The following MMAA variants were observed in gnomAD, a reference collection of about 807,000 sequenced individuals.
MMAA encodes the protein metabolism of cobalamin associated A.
In MMAA, 41 loss-of-function variants were observed where a neutral mutation model predicts 45.0. That is an observed-to-expected ratio of 0.91 (90% CI 0.71 to 1.18). The LOEUF (loss-of-function observed/expected upper bound fraction) is 1.18, where lower values mean the gene tolerates loss of function less well. Among genes scored for constraint, MMAA ranks in the 50% most tolerant of loss-of-function variants. The pLI, the probability that MMAA is intolerant of heterozygous loss-of-function variation, is 0.00. For synonymous variants in MMAA, 154 were observed against 178.2 expected (o/e 0.86, Z 1.08); for missense variants, 460 against 495.7 (o/e 0.93, Z 0.68).
chr4:145,635,978 T>G (rs1727596058), intron 1 of MMAA, among the ~76,000 whole-genome samples: 1 of 152,246 alleles, frequency 6.6e-6, no homozygotes, highest in Non-Finnish European at 1.5e-5. Context: ...TGCCACTGGC[T>G]ATGACTGTGA....
intron 1 of MMAA, among the ~76,000 whole-genome samples, chr4:145,631,861 C>T (rs998929604): frequency 5.9e-5 from 9 of 151,886 alleles, no homozygotes; most frequent in African/African-American, 2.2e-4. Context: ...ATCTTGTCAC[C>T]CATTATTTTA....
chr4:145,642,111 C>A (rs1442504981), intron 2 of MMAA, among the ~76,000 whole-genome samples: 1 of 152,132 alleles, frequency 6.6e-6, no homozygotes, highest in African/African-American at 2.4e-5. Flanking sequence ...AAAGGCAAAG[C>A]ATGTTTTGTA....
chr4:145,628,266 C>CTT (rs1367275313), intron 1 of MMAA, among the ~76,000 whole-genome samples: 15 of 152,146 alleles, frequency 9.9e-5, no homozygotes, highest in African/African-American at 2.7e-4. Flanking sequence ...GTATTAGTTT[C>CTT]CTATAGCTCT....
At chr4:145,624,620 T>A in intron 1 of MMAA, 1 of 1,376,254 alleles carries the variant, frequency 7.3e-7, no homozygotes, top group Non-Finnish European at 1.0e-6. Context: ...GTTCTATTAC[T>A]TCTTTACTAG....
At chr4:145,623,913 G>A (rs1227786575) in intron 1 of MMAA, among the ~76,000 whole-genome samples, 1 of 152,192 alleles carries the variant, frequency 6.6e-6, no homozygotes, top group East Asian at 1.9e-4. Flanking sequence ...TCTGGTGTGG[G>A]GGTGAATTAA....
rs759588632 is a variant in MMAA, at chr4:145,639,338, G to T, written c.199G>T (p.Val67Leu). The part of the protein sequence containing the change: ...LSDGLKRKLC[V>L]QTTLKDHTEG... ...AGATGGCTTAAAGAGAAAATTATGT[G>T]TACAAACAACCTTAAAGGACCACAC... Residue 67 changes from valine to leucine, a missense_variant, in exon 2 of 7, where the codon GTA (valine) becomes TTA (leucine). Physicochemically the swap from Val to Leu is conservative, Grantham distance 32. Coordinates refer to ENST00000649156, the MANE Select transcript of MMAA (RefSeq NM_172250.3). 1 of 1,614,138 alleles carries T rather than the reference G, an allele frequency of 6.2e-7. No homozygotes were observed. The highest frequency in any genetic ancestry group is 8.5e-7 in the Non-Finnish European group (1 of 1,180,036).
intron 4 of MMAA, among the ~76,000 whole-genome samples, chr4:145,648,601 A>T (rs567725634): frequency 3.0e-4 from 45 of 152,272 alleles, no homozygotes; most frequent in Non-Finnish European, 5.3e-4. Context: ...CACCTTAAAA[A>T]CCAAATATAT....
chr4:145,636,506 G>A (rs536028318), intron 1 of MMAA, among the ~76,000 whole-genome samples: 5 of 152,210 alleles, frequency 3.3e-5, no homozygotes, highest in East Asian at 1.9e-4. Context: ...GTTTACCTCC[G>A]GTCCAGCCTC....
intron 5 of MMAA, among the ~76,000 whole-genome samples, chr4:145,651,976 G>GC (rs1728103446): frequency 6.6e-6 from 1 of 152,042 alleles, no homozygotes; most frequent in Admixed American, 6.6e-5. Flanking sequence ...AGTAATGCTC[G>GC]CCCCCCTGCT....
In MMAA at chr4:145,658,735, CATT is replaced by C. The variant is rs1728305085; in HGVS notation, c.*3304_*3306del. ...GAAAAATTAGTGAAAATCATTCAAA[CATT>C]ATGCTCACCAGGTAGACTGCCATCA... is the stretch of plus-strand genomic sequence containing the variant. On this transcript the variant is annotated 3_prime_UTR_variant, in exon 7 of 7. Coordinates refer to ENST00000649156, the MANE Select transcript of MMAA (RefSeq NM_172250.3). The C allele has an allele frequency of 7.0e-6, 1 of 143,048 alleles. No homozygotes were observed. The highest frequency in any genetic ancestry group is 2.6e-5 in the African/African-American group (1 of 38,890). 8.9% of individuals were successfully genotyped at this position (143,048 alleles called of 1,614,324 possible).
At chr4:145,640,845 G>A (rs1038391972) in intron 2 of MMAA, among the ~76,000 whole-genome samples, 3 of 152,098 alleles carry the variant, frequency 2.0e-5, no homozygotes, top group Non-Finnish European at 2.9e-5. Context: ...ATGTCCCACG[G>A]TGGTGAACTA....
chr4:145,628,269 A>G (rs904099497), intron 1 of MMAA, among the ~76,000 whole-genome samples: 13 of 152,242 alleles, frequency 8.5e-5, no homozygotes, highest in African/African-American at 3.1e-4. Context: ...TTAGTTTCCT[A>G]TAGCTCTGGT....
chr4:145,655,638 T>G lies in MMAA; in HGVS notation c.*204T>G. The G allele has an allele frequency of 1.9e-6, 1 of 519,012 alleles. No individual in the cohort carries two copies. The highest frequency in any genetic ancestry group is 2.7e-5 in the South Asian group (1 of 36,392). 32.2% of individuals were successfully genotyped at this position (519,012 alleles called of 1,614,324 possible). ...TTATAAGGTACCTGTTTTATGTTAC[T>G]GATATCTGTTTCCTTCTCTTCTTAT... On this transcript the variant is annotated 3_prime_UTR_variant, in exon 7 of 7. Coordinates refer to ENST00000649156, the MANE Select transcript of MMAA (RefSeq NM_172250.3).
At chr4:145,634,153 A>G (rs1403131271) in intron 1 of MMAA, among the ~76,000 whole-genome samples, 1 of 152,214 alleles carries the variant, frequency 6.6e-6, no homozygotes, top group Non-Finnish European at 1.5e-5. Context: ...GAGGGTGGTA[A>G]GTTCCCCCAG....
At chr4:145,627,582 A>C (rs1035232763) in intron 1 of MMAA, among the ~76,000 whole-genome samples, 2 of 152,192 alleles carry the variant, frequency 1.3e-5, no homozygotes, top group East Asian at 3.8e-4. Context: ...GGAGCGGTCT[A>C]TAAGTAGATA....
chr4:145,633,450 G>A (rs947260658), intron 1 of MMAA, among the ~76,000 whole-genome samples: 3 of 151,870 alleles, frequency 2.0e-5, no homozygotes, highest in Non-Finnish European at 4.4e-5. Flanking sequence ...TGCCCAGCTC[G>A]GCCTCCCAAA....
chr4:145,649,800 A>G (rs1398355048), intron 4 of MMAA, among the ~76,000 whole-genome samples: 2 of 151,852 alleles, frequency 1.3e-5, no homozygotes, highest in Non-Finnish European at 1.5e-5. Flanking sequence ...GAGGTGGGGT[A>G]TCACCATGTT....
intron 2 of MMAA, 42 bp downstream of exon 2, chr4:145,639,620 A>G (rs1727727573): frequency 1.9e-6 from 3 of 1,581,768 alleles, no homozygotes; most frequent in Admixed American, 3.7e-5. Flanking sequence ...TATTTTTACA[A>G]ATTCTCTGTA....
chr4:145,638,476 G>A (rs1727685824), intron 1 of MMAA, among the ~76,000 whole-genome samples: 1 of 152,242 alleles, frequency 6.6e-6, no homozygotes, highest in African/African-American at 2.4e-5. Flanking sequence ...TAAGCACCCA[G>A]GTGGCTCTGA....
Sources: gnomAD v4.1 joint callset for allele counts (sites outside exome capture counted in the v4.1 genomes callset) on GRCh38, gnomAD v4.1.1 for gene constraint, MANE v1.5 for transcripts, NCBI Gene and HGNC (gene_info 2026-07-23, HGNC 2026-07-21) for gene names.